Variants in ZNF341 observed in about 807,000 individuals in gnomAD.
ZNF341 encodes the protein zinc finger protein 341.
In ZNF341, 52 loss-of-function variants were observed where a neutral mutation model predicts 87.7. That is an observed-to-expected ratio of 0.59 (90% CI 0.47 to 0.75). The LOEUF (loss-of-function observed/expected upper bound fraction) is 0.75, where lower values mean the gene tolerates loss of function less well. Ranked by LOEUF, ZNF341 falls within the 30% of genes least tolerant of loss-of-function variation. The pLI is 0.00. For synonymous variants in ZNF341, 459 were observed against 472.7 expected, an observed-to-expected ratio of 0.97 and a Z score of 0.38; for missense variants, 977 against 1,145.9, an observed-to-expected ratio of 0.85 and a Z score of 2.13.
At position 33,757,336 on chromosome 20, in the gene ZNF341, C is replaced by T. The variant is rs1158893980; in HGVS notation, c.930C>T (p.Leu310=). The T allele has an allele frequency of 6.7e-7, 1 of 1,500,472 alleles. No homozygotes were observed. Among genetic ancestry groups the T allele is most frequent in the African/African-American group, 1.4e-5 (1 of 70,332 alleles). The allele number at this position is 1,500,472 out of a possible 1,614,324, so 92.9% of individuals were successfully genotyped here. ...KTRRAKGARG[L]PEAAGKPKAQ... ...GACGAGCTAAAGGTGCCAGGGGACT[C>T]CCGGAAGGTGGGCCCCCAGCCTGCC... is the stretch of plus-strand genomic sequence containing the variant. Residue 310 remains leucine (L), a synonymous_variant, in exon 6 of 15, where the codon CTC becomes CTT. Coordinates refer to ENST00000375200, the MANE Select transcript of ZNF341 (RefSeq NM_001282933.2).
intron 2 of ZNF341, among the ~76,000 whole-genome samples, chr20:33,742,764 C>T (rs1568933785): frequency 6.6e-6 from 1 of 152,190 alleles, no homozygotes. Flanking sequence ...AGTGCCCTGT[C>T]CATGCCCTTT....
chr20:33,745,416 G>A (rs529019106), intron 3 of ZNF341, 117 bp downstream of exon 3: 306 of 1,018,854 alleles, frequency 3.0e-4, no homozygotes, highest in Non-Finnish European at 4.2e-4. Context: ...CTGCCCTTGT[G>A]GAGTGGGGCG....
At chr20:33,767,725 T>A (rs1453761560) in intron 9 of ZNF341, among the ~76,000 whole-genome samples, 1 of 152,214 alleles carries the variant, frequency 6.6e-6, no homozygotes, top group Non-Finnish European at 1.5e-5. Context: ...GCTCTATCAT[T>A]TGACAATGCA....
intron 3 of ZNF341, 104 bp downstream of exon 3, chr20:33,745,403 TC>T: frequency 8.5e-7 from 1 of 1,181,020 alleles, no homozygotes; most frequent in Non-Finnish European, 1.2e-6. Flanking sequence ...ACAGACCAAG[TC>T]CCTGCCCTTG....
intron 7 of ZNF341, among the ~76,000 whole-genome samples, chr20:33,760,292 A>G (rs1380613969): frequency 1.3e-5 from 2 of 152,054 alleles, no homozygotes; most frequent in Non-Finnish European, 2.9e-5. Context: ...AGTCCCAGCT[A>G]CTCTGGAGGC....
intron 1 of ZNF341, among the ~76,000 whole-genome samples, chr20:33,736,476 C>T (rs2018687220): frequency 6.6e-6 from 1 of 152,054 alleles, no homozygotes; most frequent in African/African-American, 2.4e-5. Context: ...GAAAGACCAC[C>T]AGGTTTTCAC....
At chr20:33,772,629 A>G (rs931958589) in intron 10 of ZNF341, among the ~76,000 whole-genome samples, 2 of 152,170 alleles carry the variant, frequency 1.3e-5, no homozygotes, top group African/African-American at 2.4e-5. Flanking sequence ...TGAAGGATGA[A>G]TAGGAGTTTG....
At chr20:33,782,846 T>C (rs2019771252) in intron 11 of ZNF341, among the ~76,000 whole-genome samples, 1 of 152,144 alleles carries the variant, frequency 6.6e-6, no homozygotes, top group South Asian at 2.1e-4. Flanking sequence ...TTTCTGGCTT[T>C]AAAAAAATTA....
intron 5 of ZNF341, among the ~76,000 whole-genome samples, chr20:33,756,093 T>G (rs2019170830): frequency 6.6e-6 from 1 of 151,876 alleles, no homozygotes; most frequent in Non-Finnish European, 1.5e-5. Flanking sequence ...CATGGTGGTG[T>G]GTGCCTGTTA....
intron 7 of ZNF341, among the ~76,000 whole-genome samples, chr20:33,760,076 C>T (rs1478829161): frequency 6.6e-6 from 1 of 152,194 alleles, no homozygotes; most frequent in Non-Finnish European, 1.5e-5. Flanking sequence ...CAAGTGCTGT[C>T]GCTGTCCAAT....
rs534585828 is a variant in ZNF341, at chr20:33,745,292, A to G, written c.332A>G (p.Asn111Ser). 8.5e-5 allele frequency: 137 copies of G among 1,611,344 alleles called. No individual in the cohort carries two copies. In the South Asian group the frequency reaches 1.2e-3, roughly 14 times the overall value. ...GTCCAGCAGGCCCCAACTCCTGCCA[A>G]TCGCCAGGTATTTGTTCATTTATTC... is the stretch of plus-strand genomic sequence containing the variant. ...TAVQQAPTPANRQISTYITVP... is the reference protein window; with the variant it reads ...TAVQQAPTPASRQISTYITVP... Residue 111 changes from asparagine (N) to serine (S), a missense_variant, in exon 3 of 15, where the codon AAT becomes AGT. Physicochemically the swap from Asn to Ser is conservative, Grantham distance 46. Transcript: ENST00000375200.
At position 33,740,936 on chromosome 20, in the gene ZNF341, A is replaced by G. The variant is rs2122635051; in HGVS notation, c.66A>G (p.Ser22=). The G allele has an allele frequency of 6.2e-7, 1 of 1,614,190 alleles. No individual in the cohort carries two copies. Among genetic ancestry groups the G allele is most frequent in the Non-Finnish European group, 8.5e-7 (1 of 1,180,042 alleles). The change falls in exon 2 of 15, where the codon TCA becomes TCG. Residue 22 remains serine (S), a synonymous_variant. Coordinates refer to ENST00000375200, the MANE Select transcript of ZNF341 (RefSeq NM_001282933.2). The part of the protein sequence containing the change: ...MDNQTVLAVQ[S]LLDGQGAVPD... Reference sequence around the variant, plus strand: ...ATCAGACCGTTCTGGCTGTCCAGTCATTATTGGATGGCCAAGGAGCAGTCC... The same window carrying G: ...ATCAGACCGTTCTGGCTGTCCAGTCGTTATTGGATGGCCAAGGAGCAGTCC...
chr20:33,757,188 C>T lies in ZNF341; in HGVS notation c.782C>T (p.Pro261Leu). 1.3e-6 allele frequency: 2 copies of T among 1,536,884 alleles called. No homozygotes were observed. The highest frequency in any genetic ancestry group is 2.5e-5 in the East Asian group (1 of 39,762). The change falls in exon 6 of 15, where the codon CCC (proline) becomes CTC (leucine). Residue 261 changes from proline (P) to leucine (L), a missense_variant. Physicochemically the swap from Pro to Leu is moderately conservative, Grantham distance 98. This residue lies in a region of ZNF341 where 515 missense variants were observed against 598.2 expected (regional missense o/e 0.86). Coordinates refer to ENST00000375200, the MANE Select transcript of ZNF341 (RefSeq NM_001282933.2). Reference protein sequence around the residue: ...QCVEPPVYPTPTVYSPGKQGF... With the variant: ...QCVEPPVYPTLTVYSPGKQGF... The stretch of plus-strand genomic sequence containing the variant: ...GTGGAGCCTCCAGTATATCCCACCC[C>T]CACAGTGTACAGCCCTGGCAAACAG...
intron 1 of ZNF341, among the ~76,000 whole-genome samples, chr20:33,735,421 A>G (rs1243226333): frequency 2.0e-5 from 3 of 152,052 alleles, no homozygotes; most frequent in South Asian, 2.1e-4. Context: ...TGCAGCCTCA[A>G]ACTCCTGGGC....
At chr20:33,760,841 G>T (rs1051307317) in intron 7 of ZNF341, among the ~76,000 whole-genome samples, 4 of 152,086 alleles carry the variant, frequency 2.6e-5, no homozygotes, top group African/African-American at 9.7e-5. Context: ...ACCATGCTGG[G>T]CTTGAATTTA....
chr20:33,756,470 G>T (rs939984591), intron 5 of ZNF341, among the ~76,000 whole-genome samples: 4 of 151,494 alleles, frequency 2.6e-5, no homozygotes, highest in Non-Finnish European at 4.4e-5. Flanking sequence ...AGGCTCAAGT[G>T]ATTCTCCTGC....
rs1399205681 is a variant in ZNF341, at chr20:33,745,178, G to T, written c.218G>T (p.Arg73Leu). 1 of 1,614,152 alleles carries T rather than the reference G, an allele frequency of 6.2e-7. No homozygotes were observed. Among genetic ancestry groups the T allele is most frequent in the South Asian group, 1.1e-5 (1 of 91,086 alleles). ...NSLPAFMTHKREQCQGNAPAL... is the reference protein window; with the variant it reads ...NSLPAFMTHKLEQCQGNAPAL... ...CTGCCAGCGTTTATGACCCACAAGC[G>T]GGAACAGTGCCAGGGGAATGCCCCC... Residue 73 changes from arginine (R) to leucine (L), a missense_variant, in exon 3 of 15, where the codon CGG (arginine) becomes CTG (leucine). This residue lies in a region of ZNF341 where 515 missense variants were observed against 598.2 expected (regional missense o/e 0.86). Coordinates refer to ENST00000375200, the MANE Select transcript of ZNF341 (RefSeq NM_001282933.2).
intron 2 of ZNF341, among the ~76,000 whole-genome samples, chr20:33,743,653 TA>T (rs529284927): frequency 4.1e-4 from 62 of 152,140 alleles, no homozygotes; most frequent in Middle Eastern, 3.4e-3. Flanking sequence ...ACCCGTCTCT[TA>T]AAAAAATAAA....
chr20:33,741,008 A>G lies in ZNF341; in HGVS notation c.138A>G (p.Pro46=), dbSNP rs763603870. Residue 46 remains proline, a synonymous_variant, in exon 2 of 15, where the codon CCA becomes CCG. Transcript: ENST00000375200. ...TCAATGCGCCCCCTGCTATCCAGCC[A>G]TTGGGTGAGTATCTGCTCAGGTTCA... ...QSVNAPPAIQ[P]LDDEDVFLCG... is the part of the protein sequence containing the mutation. 23 of 1,613,906 alleles carry G rather than the reference A, an allele frequency of 1.4e-5. No individual in the cohort carries two copies. Among genetic ancestry groups the G allele is most frequent in the Admixed American group, 3.3e-5 (2 of 59,992 alleles).
Sources: allele counts gnomAD v4.1 joint callset (sites outside exome capture counted in the v4.1 genomes callset), GRCh38; gene constraint gnomAD v4.1.1; regional missense constraint gnomAD v4.1.1; transcripts MANE v1.5; gene names NCBI Gene and HGNC (gene_info 2026-07-23, HGNC 2026-07-21).